Variants in MCEMP1 observed in about 807,000 individuals in gnomAD.
MCEMP1 encodes the protein mast cell expressed membrane protein 1, also known as mast cell-expressed membrane protein 1.
In MCEMP1, 17 loss-of-function variants were observed where a neutral mutation model predicts 27.9. That is an observed-to-expected ratio of 0.61 (90% CI 0.42 to 0.91). MCEMP1 has a LOEUF of 0.91. MCEMP1 is among the 40% of genes least tolerant of loss of function. MCEMP1 has a pLI of 0.00. For missense variants in MCEMP1, 200 were observed against 204.8 expected, an observed-to-expected ratio of 0.98 and a Z score of 0.14; for synonymous variants, 88 against 76.9, an observed-to-expected ratio of 1.14 and a Z score of -0.76.
Position 7,677,705 on chromosome 19 carries a change from C to A in MCEMP1, c.124C>A (p.His42Asn). ...FKNQDHAKGG[H>N]SRPTSQVPAQ... ...AAATCAGGACCATGCAAAGGGTGGT[C>A]ATTCACGACCCACGAGCCAAGGTGA... Residue 42 changes from histidine to asparagine, a missense_variant, in exon 2 of 7, where the codon CAT becomes AAT. Transcript: ENST00000333598. The surrounding 1 kb of genome is among the most constrained non-coding windows in gnomAD (Gnocchi z 4.6). The A allele has an allele frequency of 1.2e-6, 2 of 1,610,192 alleles. No individual in the cohort carries two copies. The highest frequency in any genetic ancestry group is 2.2e-5 in the South Asian group (2 of 90,566).
In MCEMP1 at chr19:7,678,473, C is replaced by G; in HGVS notation, c.335-18C>G. ...GGAGAGGGATGGATGCACAGACACC[C>G]CTGTTTCATGCCCTCAGTCTCAAAC... On this transcript the variant is annotated intron_variant, in intron 4 of 6. Transcript: ENST00000333598. This position sits in a 1 kb window ranked among gnomAD's most constrained non-coding sequence, Gnocchi z 4.8. 6.2e-7 allele frequency: 1 copy of G among 1,613,708 alleles called. No homozygotes were observed. Among genetic ancestry groups the G allele is most frequent in the Non-Finnish European group, 8.5e-7 (1 of 1,179,698 alleles).
In MCEMP1 at chr19:7,678,816, G is replaced by T; in HGVS notation, c.449-108G>T. On this transcript the variant is annotated intron_variant, in intron 5 of 6. Transcript: ENST00000333598. This position sits in a 1 kb window ranked among gnomAD's most constrained non-coding sequence, Gnocchi z 4.8. ...AATCCATGGGCTCTGCTGTACCCCA[G>T]GGTGGGTGTGGGGCAGGGGGGGTGC... 8.1e-7 allele frequency: 1 copy of T among 1,236,922 alleles called. No individual in the cohort carries two copies. Among genetic ancestry groups the T allele is most frequent in the South Asian group, 1.4e-5 (1 of 69,802 alleles). The allele number at this position is 1,236,922 out of a possible 1,614,324, so 76.6% of individuals were successfully genotyped here. A position where few individuals can be genotyped will look rare whatever the true frequency, so the allele number is the denominator to read the frequency against.
rs2032595589 is a variant in MCEMP1 at position 7,679,309 on chromosome 19, TGC to T, written c.*197_*198del. The T allele has an allele frequency of 3.0e-5, 20 of 668,310 alleles. No homozygotes were observed. The highest frequency in any genetic ancestry group is 4.6e-5 in the Non-Finnish European group (18 of 394,110). The allele number at this position is 668,310 out of a possible 1,614,324, so 41.4% of individuals were successfully genotyped here. A position where few individuals can be genotyped will look rare whatever the true frequency, so the allele number is the denominator to read the frequency against. On this transcript the variant is annotated 3_prime_UTR_variant, in exon 7 of 7. Coordinates refer to ENST00000333598, the MANE Select transcript of MCEMP1 (RefSeq NM_174918.3). This position sits in a 1 kb window ranked among gnomAD's most constrained non-coding sequence, Gnocchi z 4.9. ...GTGTGTACACCTGCGTGCGTGTGTGTGCGTGTGTGCGCGTGTGTTCGTGTATG... is the reference window on the plus strand; with the variant it reads ...GTGTGTACACCTGCGTGCGTGTGTGTGTGTGTGCGCGTGTGTTCGTGTATG...
In MCEMP1 at chr19:7,677,823, G is replaced by A; in HGVS notation, c.145+97G>A. The A allele has an allele frequency of 8.0e-7, 1 of 1,246,484 alleles. No individual in the cohort carries two copies. The highest frequency in any genetic ancestry group is 1.1e-6 in the Non-Finnish European group (1 of 895,338). The allele number at this position is 1,246,484 out of a possible 1,614,324, so 77.2% of individuals were successfully genotyped here. A position where few individuals can be genotyped will look rare whatever the true frequency, so the allele number is the denominator to read the frequency against. The stretch of plus-strand genomic sequence containing the variant: ...CCCGGGGCTGCGTGGAAGGGAGGAA[G>A]CGATGGGGAAGGAAGAGGTGACAGC... On this transcript the variant is annotated intron_variant, in intron 2 of 6. Coordinates refer to ENST00000333598, the MANE Select transcript of MCEMP1 (RefSeq NM_174918.3). The surrounding 1 kb of genome is among the most constrained non-coding windows in gnomAD (Gnocchi z 4.6).
rs56229793 is a variant in MCEMP1 at position 7,679,334 on chromosome 19, A to G, written c.*220A>G. The G allele has an allele frequency of 0.2, 117,399 of 594,160 alleles. 12,349 individuals carry two copies. Among genetic ancestry groups the G allele is most frequent in the African/African-American group, 0.25 (13,442 of 53,182 alleles). The allele number at this position is 594,160 out of a possible 1,614,324, so 36.8% of individuals were successfully genotyped here. A position where few individuals can be genotyped will look rare whatever the true frequency, so the allele number is the denominator to read the frequency against. ...TGCGTGTGTGCGCGTGTGTTCGTGT[A>G]TGTGCGTGTGTGCGTGCGCGTGTGT... On this transcript the variant is annotated 3_prime_UTR_variant, in exon 7 of 7. Coordinates refer to ENST00000333598, the MANE Select transcript of MCEMP1 (RefSeq NM_174918.3). This position sits in a 1 kb window ranked among gnomAD's most constrained non-coding sequence, Gnocchi z 4.9.
chr19:7,679,072 C>T lies in MCEMP1; in HGVS notation c.509-26C>T. 1 of 1,608,036 alleles carries T rather than the reference C, an allele frequency of 6.2e-7. No homozygotes were observed. The highest frequency in any genetic ancestry group is 8.5e-7 in the Non-Finnish European group (1 of 1,176,974). ...CCTCTCCCAGGGGCGGGATCTGCCT[C>T]ACTGTGGGTCTCTCCCCATCCCCAG... On this transcript the variant is annotated intron_variant, in intron 6 of 6. Transcript: ENST00000333598. This position sits in a 1 kb window ranked among gnomAD's most constrained non-coding sequence, Gnocchi z 4.9.
At position 7,678,007 on chromosome 19, in the gene MCEMP1, T is replaced by G; in HGVS notation, c.146-97T>G. ...GCATGACCACAGCTGCTGATGGTTT[T>G]GAGAGGAGCGAGGTGTCCATGGTGT... On this transcript the variant is annotated intron_variant, in intron 2 of 6. Transcript: ENST00000333598. The surrounding 1 kb of genome is among the most constrained non-coding windows in gnomAD (Gnocchi z 4.8). 2.4e-5 allele frequency: 36 copies of G among 1,484,188 alleles called. No individual in the cohort carries two copies. The highest frequency in any genetic ancestry group is 3.2e-5 in the Non-Finnish European group (35 of 1,109,942). The allele number at this position is 1,484,188 out of a possible 1,614,324, so 91.9% of individuals were successfully genotyped here.
In MCEMP1 at chr19:7,678,134, C is replaced by T; in HGVS notation, c.176C>T (p.Ser59Phe). The T allele has an allele frequency of 6.2e-7, 1 of 1,612,216 alleles. No homozygotes were observed. Among genetic ancestry groups the T allele is most frequent in the Non-Finnish European group, 8.5e-7 (1 of 1,179,112 alleles). ...VPAQCRPPSDSTQVPCWLYRA... is the reference protein window; with the variant it reads ...VPAQCRPPSDFTQVPCWLYRA... ...GCCCAGTGCAGGCCGCCCTCAGACT[C>T]CACCCAGGTCCCCTGCTGGTTGTAC... The change falls in exon 3 of 7, where the codon TCC (serine) becomes TTC (phenylalanine). Residue 59 changes from serine (S) to phenylalanine (F), a missense_variant. Physicochemically the swap from Ser to Phe is radical, Grantham distance 155. Coordinates refer to ENST00000333598, the MANE Select transcript of MCEMP1 (RefSeq NM_174918.3). This position sits in a 1 kb window ranked among gnomAD's most constrained non-coding sequence, Gnocchi z 4.8.
At position 7,677,218 on chromosome 19, in the gene MCEMP1, A is replaced by C; in HGVS notation, c.55+43A>C. The C allele has an allele frequency of 4.0e-6, 6 of 1,491,454 alleles. No individual in the cohort carries two copies. Among genetic ancestry groups the C allele is most frequent in the Non-Finnish European group, 5.5e-6 (6 of 1,091,930 alleles). 92.4% of individuals were successfully genotyped at this position (1,491,454 alleles called of 1,614,324 possible). A position where few individuals can be genotyped will look rare whatever the true frequency, so the allele number is the denominator to read the frequency against. ...GGAAGGGAGGGGTTAAGAAGGAGAGATTGGGGGGCCGGGGGCTTTTGCTCA... is the reference window on the plus strand; with the variant it reads ...GGAAGGGAGGGGTTAAGAAGGAGAGCTTGGGGGGCCGGGGGCTTTTGCTCA... On this transcript the variant is annotated intron_variant, in intron 1 of 6. Coordinates refer to ENST00000333598, the MANE Select transcript of MCEMP1 (RefSeq NM_174918.3). This position sits in a 1 kb window ranked among gnomAD's most constrained non-coding sequence, Gnocchi z 4.6.
Position 7,677,138 on chromosome 19 carries a change from C to T in MCEMP1, c.18C>T (p.Phe6=). The change falls in exon 1 of 7, where the codon TTC becomes TTT. Residue 6 remains phenylalanine, a synonymous_variant. Transcript: ENST00000333598. The surrounding 1 kb of genome is among the most constrained non-coding windows in gnomAD (Gnocchi z 4.6). MQAPA[F]RDKKQGVSAK... Reference sequence around the variant, plus strand: ...AAGTCAAGATGCAAGCACCAGCCTTCAGGGACAAGAAACAGGGGGTCTCAG... The same window carrying T: ...AAGTCAAGATGCAAGCACCAGCCTTTAGGGACAAGAAACAGGGGGTCTCAG... 1 of 1,599,310 alleles carries T rather than the reference C, an allele frequency of 6.3e-7. No individual in the cohort carries two copies. Among genetic ancestry groups the T allele is most frequent in the Non-Finnish European group, 8.5e-7 (1 of 1,172,574 alleles).
At position 7,677,264 on chromosome 19, in the gene MCEMP1, T is replaced by C; in HGVS notation, c.55+89T>C. ...GCTCATGTCTGTAATCCTAGCACTT[T>C]GGGAGGCTGAGGCGGGAGGATTGCG... On this transcript the variant is annotated intron_variant, in intron 1 of 6. Coordinates refer to ENST00000333598, the MANE Select transcript of MCEMP1 (RefSeq NM_174918.3). The surrounding 1 kb of genome is among the most constrained non-coding windows in gnomAD (Gnocchi z 4.6). The C allele has an allele frequency of 1.6e-6, 2 of 1,218,526 alleles. No homozygotes were observed. The allele number at this position is 1,218,526 out of a possible 1,614,324, so 75.5% of individuals were successfully genotyped here.
Position 7,678,457 on chromosome 19 carries a change from T to C in MCEMP1, c.335-34T>C. 1 of 1,613,650 alleles carries C rather than the reference T, an allele frequency of 6.2e-7. No homozygotes were observed. Among genetic ancestry groups the C allele is most frequent in the South Asian group, 1.1e-5 (1 of 91,074 alleles). ...GTCATGGTGGGGGTCTGGAGAGGGATGGATGCACAGACACCCCTGTTTCAT... is the reference window on the plus strand; with the variant it reads ...GTCATGGTGGGGGTCTGGAGAGGGACGGATGCACAGACACCCCTGTTTCAT... On this transcript the variant is annotated intron_variant, in intron 4 of 6. Transcript: ENST00000333598. This position sits in a 1 kb window ranked among gnomAD's most constrained non-coding sequence, Gnocchi z 4.8.
At position 7,679,189 on chromosome 19, in the gene MCEMP1, ACCCC is replaced by A. The variant is rs55775946; in HGVS notation, c.*84_*87del. 83 of 1,272,460 alleles carry A rather than the reference ACCCC, an allele frequency of 6.5e-5. No individual in the cohort carries two copies. The highest frequency in any genetic ancestry group is 2.8e-4 in the Middle Eastern group (1 of 3,600). 78.8% of individuals were successfully genotyped at this position (1,272,460 alleles called of 1,614,324 possible). On this transcript the variant is annotated 3_prime_UTR_variant, in exon 7 of 7. Transcript: ENST00000333598. The surrounding 1 kb of genome is among the most constrained non-coding windows in gnomAD (Gnocchi z 4.9). ...CACCTGCCAACGAAGACGGGAAATG[ACCCC>A]CCCCCCCCAGCCTAGTGTGAACCTG...
chr19:7,677,319 C>A lies in MCEMP1; in HGVS notation c.55+144C>A. 3 of 697,788 alleles carry A rather than the reference C, an allele frequency of 4.3e-6. No individual in the cohort carries two copies. The highest frequency in any genetic ancestry group is 4.8e-6 in the Non-Finnish European group (2 of 414,798). 43.2% of individuals were successfully genotyped at this position (697,788 alleles called of 1,614,324 possible). A position where few individuals can be genotyped will look rare whatever the true frequency, so the allele number is the denominator to read the frequency against. On this transcript the variant is annotated intron_variant, in intron 1 of 6. Coordinates refer to ENST00000333598, the MANE Select transcript of MCEMP1 (RefSeq NM_174918.3). The surrounding 1 kb of genome is among the most constrained non-coding windows in gnomAD (Gnocchi z 4.6). ...CCCTGGAGGTGGAGACTGGCCTGGGCAACATAGGGAGACTCTGTCTGTAAA... is the reference window on the plus strand; with the variant it reads ...CCCTGGAGGTGGAGACTGGCCTGGGAAACATAGGGAGACTCTGTCTGTAAA...
rs2032570369 is a variant in MCEMP1, at chr19:7,677,829, G to A, written c.145+103G>A. 1 of 1,213,666 alleles carries A rather than the reference G, an allele frequency of 8.2e-7. No homozygotes were observed. 75.2% of individuals were successfully genotyped at this position (1,213,666 alleles called of 1,614,324 possible). The stretch of plus-strand genomic sequence containing the variant: ...GCTGCGTGGAAGGGAGGAAGCGATG[G>A]GGAAGGAAGAGGTGACAGCTGTTGA... On this transcript the variant is annotated intron_variant, in intron 2 of 6. Coordinates refer to ENST00000333598, the MANE Select transcript of MCEMP1 (RefSeq NM_174918.3). This position sits in a 1 kb window ranked among gnomAD's most constrained non-coding sequence, Gnocchi z 4.6.
At position 7,678,698 on chromosome 19, in the gene MCEMP1, G is replaced by A. The variant is rs2032582016; in HGVS notation, c.448+94G>A. 2 of 1,302,426 alleles carry A rather than the reference G, an allele frequency of 1.5e-6. No homozygotes were observed. Among genetic ancestry groups the A allele is most frequent in the African/African-American group, 2.9e-5 (2 of 68,240 alleles). The allele number at this position is 1,302,426 out of a possible 1,614,324, so 80.7% of individuals were successfully genotyped here. On this transcript the variant is annotated intron_variant, in intron 5 of 6. Coordinates refer to ENST00000333598, the MANE Select transcript of MCEMP1 (RefSeq NM_174918.3). This position sits in a 1 kb window ranked among gnomAD's most constrained non-coding sequence, Gnocchi z 4.8. Reference sequence around the variant, plus strand: ...GGGATTCAGGGGAGGAGAAAGCCGGGGTCCTACCCTCCCAAAGCTCAAGTT... The same window carrying A: ...GGGATTCAGGGGAGGAGAAAGCCGGAGTCCTACCCTCCCAAAGCTCAAGTT...
Position 7,678,064 on chromosome 19 carries a change from G to A in MCEMP1, c.146-40G>A. 6.4e-7 allele frequency: 1 copy of A among 1,554,362 alleles called. No individual in the cohort carries two copies. Among genetic ancestry groups the A allele is most frequent in the Non-Finnish European group, 8.7e-7 (1 of 1,153,514 alleles). The stretch of plus-strand genomic sequence containing the variant: ...CAGTGAGGATGGTTTGAGTGGTGGT[G>A]CTGGCCCCTCAAGGTCACTTTGCTG... On this transcript the variant is annotated intron_variant, in intron 2 of 6. Transcript: ENST00000333598. This position sits in a 1 kb window ranked among gnomAD's most constrained non-coding sequence, Gnocchi z 4.8.
rs1240585219 is a variant in MCEMP1 at position 7,679,309 on chromosome 19, TGCGTGTGTGC to T, written c.*204_*213del. 5 of 668,410 alleles carry T rather than the reference TGCGTGTGTGC, an allele frequency of 7.5e-6. No individual in the cohort carries two copies. The highest frequency in any genetic ancestry group is 2.8e-5 in the East Asian group (1 of 36,108). The allele number at this position is 668,410 out of a possible 1,614,324, so 41.4% of individuals were successfully genotyped here. A position where few individuals can be genotyped will look rare whatever the true frequency, so the allele number is the denominator to read the frequency against. On this transcript the variant is annotated 3_prime_UTR_variant, in exon 7 of 7. Transcript: ENST00000333598. This position sits in a 1 kb window ranked among gnomAD's most constrained non-coding sequence, Gnocchi z 4.9. Reference sequence around the variant, plus strand: ...GTGTGTACACCTGCGTGCGTGTGTGTGCGTGTGTGCGCGTGTGTTCGTGTATGTGCGTGTG... The same window carrying T: ...GTGTGTACACCTGCGTGCGTGTGTGTGCGTGTGTTCGTGTATGTGCGTGTG...
At position 7,677,277 on chromosome 19, in the gene MCEMP1, C is replaced by T. The variant is rs2032563488; in HGVS notation, c.55+102C>T. ...ATCCTAGCACTTTGGGAGGCTGAGG[C>T]GGGAGGATTGCGTGAGCCCTGGAGG... On this transcript the variant is annotated intron_variant, in intron 1 of 6. Coordinates refer to ENST00000333598, the MANE Select transcript of MCEMP1 (RefSeq NM_174918.3). This position sits in a 1 kb window ranked among gnomAD's most constrained non-coding sequence, Gnocchi z 4.6. 9 of 1,066,216 alleles carry T rather than the reference C, an allele frequency of 8.4e-6. No individual in the cohort carries two copies. Among genetic ancestry groups the T allele is most frequent in the East Asian group, 2.6e-5 (1 of 37,992 alleles). 66.0% of individuals were successfully genotyped at this position (1,066,216 alleles called of 1,614,324 possible).
Sources: gnomAD v4.1 joint callset for allele counts on GRCh38, gnomAD v4.1.1 for gene constraint, Gnocchi (gnomAD v3.1) non-coding constraint, MANE v1.5 for transcripts, NCBI Gene and HGNC (gene_info 2026-07-23, HGNC 2026-07-21) for gene names.